DSCAML1: variants seen among roughly 807,000 people sequenced by gnomAD.
DSCAML1 encodes the protein cell adhesion molecule DSCAML1.
In DSCAML1, 38 loss-of-function variants were observed where a neutral mutation model predicts 200.5. That is an observed-to-expected ratio of 0.19 (90% CI 0.15 to 0.25). The LOEUF is 0.25. Among genes scored for constraint, DSCAML1 ranks in the 10% least tolerant of loss-of-function variants. The probability of loss-of-function intolerance (pLI) is 1.00; values close to 1 mark genes in which losing one functional copy is unlikely to be tolerated. For missense variants in DSCAML1, 2,223 were observed against 2,858.8 expected, an observed-to-expected ratio of 0.78 and a Z score of 5.07; for synonymous variants, 1,215 against 1,165.0, an observed-to-expected ratio of 1.04 and a Z score of -0.87.
At chr11:117,583,545 C>G (rs945744496) in intron 3 of DSCAML1, among the ~76,000 whole-genome samples, 9 of 152,222 alleles carry the variant, frequency 5.9e-5, no homozygotes, top group African/African-American at 1.9e-4. Context: ...ACGCGGCTCT[C>G]TCTTCTCCAG....
intron 3 of DSCAML1, among the ~76,000 whole-genome samples, chr11:117,722,302 G>T (rs2054053499): frequency 6.8e-6 from 1 of 147,242 alleles, no homozygotes; most frequent in Non-Finnish European, 1.5e-5. Context: ...TCATATGGGG[G>T]AGCTAAAAAA....
chr11:117,473,353 C>T lies in DSCAML1; in HGVS notation c.2786-1317G>A, dbSNP rs545753555. 3.9e-5 allele frequency among the ~76,000 whole-genome samples: 6 copies of T among 152,034 alleles called. No homozygotes were observed. The South Asian group carries it at 6.3e-4, about 16-fold the overall frequency. Reference sequence around the variant, plus strand: ...CTGTACTAAAAATACAAAAATTAGCCGGGCGTGGTGGTGGGTGCCTGTAGT... The same window carrying T: ...CTGTACTAAAAATACAAAAATTAGCTGGGCGTGGTGGTGGGTGCCTGTAGT... On this transcript the variant is annotated intron_variant, in intron 14 of 32. Coordinates refer to ENST00000651296, the MANE Select transcript of DSCAML1 (RefSeq NM_020693.4).
chr11:117,734,905 G>A (rs117399581), intron 3 of DSCAML1, among the ~76,000 whole-genome samples: 3,774 of 152,272 alleles, frequency 0.025, 65 homozygotes, highest in Middle Eastern at 0.051. Flanking sequence ...AGCCAGGGGC[G>A]GAGCTGCTGC....
intron 3 of DSCAML1, among the ~76,000 whole-genome samples, chr11:117,625,585 C>T (rs547205021): frequency 1.3e-5 from 2 of 152,280 alleles, no homozygotes; most frequent in South Asian, 2.1e-4. Flanking sequence ...CCCTAGCGTC[C>T]AGGGCAGAGA....
At chr11:117,495,238 A>G (rs1295743328) in intron 11 of DSCAML1, among the ~76,000 whole-genome samples, 1 of 152,154 alleles carries the variant, frequency 6.6e-6, no homozygotes, top group African/African-American at 2.4e-5. Context: ...AGCTGGCGGT[A>G]GGCAGGCAGG....
chr11:117,650,667 C>CTGTGTGTGTGTGTGTGTG (rs66966642), intron 3 of DSCAML1, among the ~76,000 whole-genome samples: 1 of 143,432 alleles, frequency 7.0e-6, no homozygotes, highest in Non-Finnish European at 1.5e-5. Context: ...GTGTGTCTAT[C>CTGTGTGTGTGTGTGTGTG]TGTGTGTGTG....
chr11:117,605,477 A>G (rs1422491372), intron 3 of DSCAML1, among the ~76,000 whole-genome samples: 1 of 152,236 alleles, frequency 6.6e-6, no homozygotes, highest in East Asian at 1.9e-4. Context: ...AAAGGCAGAC[A>G]GAATGGAAAG....
At chr11:117,461,373 C>T in intron 18 of DSCAML1, 77 bp downstream of exon 18, 3 of 1,594,924 alleles carry the variant, frequency 1.9e-6, no homozygotes, top group Non-Finnish European at 2.6e-6. Context: ...ATGCTCAGCT[C>T]TAACTACGCC....
chr11:117,575,798 C>T (rs562852074), intron 3 of DSCAML1, among the ~76,000 whole-genome samples: 2 of 152,270 alleles, frequency 1.3e-5, no homozygotes, highest in African/African-American at 2.4e-5. Flanking sequence ...TGCCACTGCA[C>T]TCCAGTTTGG....
intron 3 of DSCAML1, among the ~76,000 whole-genome samples, chr11:117,594,948 T>C (rs1369440983): frequency 6.6e-6 from 1 of 152,306 alleles, no homozygotes; most frequent in South Asian, 2.1e-4. Context: ...AAGAAGGGAC[T>C]CCTCAATAGT....
At chr11:117,677,278 G>C (rs768584720) in intron 3 of DSCAML1, among the ~76,000 whole-genome samples, 8 of 152,196 alleles carry the variant, frequency 5.3e-5, no homozygotes, top group Non-Finnish European at 1.0e-4. Context: ...GCCAAGGGCT[G>C]GGGTCGGGGG....
intron 3 of DSCAML1, among the ~76,000 whole-genome samples, chr11:117,751,375 G>A (rs980884229): frequency 2.7e-5 from 4 of 150,054 alleles, no homozygotes; most frequent in Non-Finnish European, 4.4e-5. Context: ...CAGCAAAGGC[G>A]ATACGCTCAC....
intron 3 of DSCAML1, among the ~76,000 whole-genome samples, chr11:117,592,634 C>T (rs1283510181): frequency 1.3e-5 from 2 of 152,160 alleles, no homozygotes; most frequent in South Asian, 2.1e-4. Context: ...ACACACCCTT[C>T]GTTACATGCT....
At chr11:117,486,911 C>CTTTTTTT (rs56805170) in intron 11 of DSCAML1, among the ~76,000 whole-genome samples, 1,427 of 79,584 alleles carry the variant, frequency 0.018, 130 homozygotes, top group Non-Finnish European at 0.026. Context: ...TGTAAAATAC[C>CTTTTTTT]TTTTTTTTTT....
intron 3 of DSCAML1, among the ~76,000 whole-genome samples, chr11:117,757,117 C>A (rs1316364186): frequency 6.6e-6 from 1 of 152,052 alleles, no homozygotes; most frequent in Non-Finnish European, 1.5e-5. Context: ...TTAGTCCCCC[C>A]ATCTAAGAAG....
chr11:117,497,928 C>T (rs942786316), intron 11 of DSCAML1, among the ~76,000 whole-genome samples: 8 of 152,220 alleles, frequency 5.3e-5, no homozygotes, highest in Admixed American at 1.3e-4. Flanking sequence ...GAGTCCATCC[C>T]GTCCCCCACT....
intron 3 of DSCAML1, among the ~76,000 whole-genome samples, chr11:117,697,481 C>A (rs988971133): frequency 1.3e-5 from 2 of 152,032 alleles, no homozygotes; most frequent in African/African-American, 4.8e-5. Flanking sequence ...TTTAAGTGTA[C>A]CATTCAGCAG....
At chr11:117,634,275 T>C (rs2052231412) in intron 3 of DSCAML1, among the ~76,000 whole-genome samples, 1 of 152,222 alleles carries the variant, frequency 6.6e-6, no homozygotes, top group Admixed American at 6.5e-5. Context: ...GTTATCCTGC[T>C]CTGAGCAGAA....
intron 14 of DSCAML1, among the ~76,000 whole-genome samples, chr11:117,476,150 A>G (rs2048787371): frequency 6.6e-6 from 1 of 152,176 alleles, no homozygotes; most frequent in South Asian, 2.1e-4. Context: ...CAAAGGGTTT[A>G]TGATGCAAAA....
Sources: allele counts gnomAD v4.1 joint callset (sites outside exome capture counted in the v4.1 genomes callset), GRCh38; gene constraint gnomAD v4.1.1; transcripts MANE v1.5; gene names NCBI Gene and HGNC (gene_info 2026-07-23, HGNC 2026-07-21).